The following ASNS variants were observed in gnomAD, a reference collection of about 807,000 sequenced individuals.
ASNS encodes asparagine synthetase [glutamine-hydrolyzing].
ASNS carries 37 observed loss-of-function variants against 62.6 expected under a neutral mutation model. That is an observed-to-expected ratio of 0.59 (90% CI 0.45 to 0.78). The LOEUF is 0.78. ASNS is among the 30% of genes least tolerant of loss of function. ASNS has a pLI of 0.00. For missense variants in ASNS, 520 were observed against 682.4 expected (o/e 0.76, Z 2.65); for synonymous variants, 207 against 237.9 (o/e 0.87, Z 1.19).
chr7:97,919,801 C>T, the ASNS span, among the ~76,000 whole-genome samples: 5 of 152,164 alleles, frequency 3.3e-5, no homozygotes, highest in African/African-American at 1.2e-4. Context: ...CACACAGAGC[C>T]CCTGTGTACC....
At chr7:97,910,602 G>A in the ASNS span, among the ~76,000 whole-genome samples, 13 of 86,592 alleles carry the variant, frequency 1.5e-4, no homozygotes, top group East Asian at 5.7e-3. Context: ...AGACCACAGT[G>A]AGAGACTTTT....
intron 1 of ASNS, chr7:97,870,231 C>A: frequency 4.4e-6 from 4 of 906,766 alleles, no homozygotes; most frequent in Non-Finnish European, 6.4e-6. Flanking sequence ...CTGAGTGCTA[C>A]GAAGATTGTA....
chr7:97,907,722 T>C, the ASNS span, among the ~76,000 whole-genome samples: 5 of 149,942 alleles, frequency 3.3e-5, no homozygotes, highest in South Asian at 1.1e-3. Context: ...TGAGCCGAGA[T>C]CGCACCACTG....
chr7:97,923,750 C>T, the ASNS span, among the ~76,000 whole-genome samples: 1 of 152,200 alleles, frequency 6.6e-6, no homozygotes, highest in Non-Finnish European at 1.5e-5. Context: ...CCTTGCCTGA[C>T]ACTGTCAGCC....
At chr7:97,892,469 T>C in the ASNS span, among the ~76,000 whole-genome samples, 1 of 152,140 alleles carries the variant, frequency 6.6e-6, no homozygotes, top group African/African-American at 2.4e-5. Flanking sequence ...GGATTTTCTT[T>C]TCTATTGCAT....
chr7:97,862,131 A>G (rs12704948), intron 4 of ASNS, among the ~76,000 whole-genome samples: 27,810 of 152,160 alleles, frequency 0.18, 4,953 homozygotes, highest in African/African-American at 0.47. Context: ...GAAATGGGTA[A>G]TTCAAGAATG....
intron 3 of ASNS, among the ~76,000 whole-genome samples, chr7:97,866,750 T>G (rs139893347): frequency 1.3e-5 from 2 of 152,358 alleles, no homozygotes; most frequent in African/African-American, 4.8e-5. Context: ...AATTTGTGAA[T>G]CTTTTGTCTA....
intron 4 of ASNS, among the ~76,000 whole-genome samples, chr7:97,859,993 C>T (rs1791637425): frequency 6.6e-6 from 1 of 152,220 alleles, no homozygotes; most frequent in Non-Finnish European, 1.5e-5. Context: ...CAGTACCCAA[C>T]CTCTCATCAC....
the ASNS span, among the ~76,000 whole-genome samples, chr7:97,926,687 A>C: frequency 2.0e-5 from 3 of 152,184 alleles, no homozygotes; most frequent in Non-Finnish European, 2.9e-5. Context: ...AGGCGCCGCG[A>C]AAAGAGCGTG....
At chr7:97,917,358 G>A in the ASNS span, among the ~76,000 whole-genome samples, 11 of 152,242 alleles carry the variant, frequency 7.2e-5, no homozygotes, top group African/African-American at 1.4e-4. Flanking sequence ...GCTCACACAC[G>A]TGCACAAGCC....
the ASNS span, among the ~76,000 whole-genome samples, chr7:97,882,577 C>T: frequency 0.032 from 3,941 of 123,970 alleles, 164 homozygotes; most frequent in South Asian, 0.056. Flanking sequence ...TAAATACCAC[C>T]GATATGAACA....
intron 7 of ASNS, among the ~76,000 whole-genome samples, chr7:97,857,934 A>G (rs1791534509): frequency 6.6e-6 from 1 of 152,114 alleles, no homozygotes; most frequent in Non-Finnish European, 1.5e-5. Flanking sequence ...GGCTGGTTTC[A>G]AACTCCTGAC....
At chr7:97,910,468 T>C in the ASNS span, among the ~76,000 whole-genome samples, 1 of 152,150 alleles carries the variant, frequency 6.6e-6, no homozygotes, top group Non-Finnish European at 1.5e-5. Flanking sequence ...TGGGCTTTAT[T>C]GGGATCAGAG....
At chr7:97,867,314 G>T (rs1298158710) in intron 3 of ASNS, among the ~76,000 whole-genome samples, 1 of 130,686 alleles carries the variant, frequency 7.7e-6, no homozygotes, top group African/African-American at 2.5e-5. Flanking sequence ...AGGTGTGGGG[G>T]GGATTTCTGA....
the ASNS span, among the ~76,000 whole-genome samples, chr7:97,897,789 G>A: frequency 1.2e-4 from 19 of 152,110 alleles, no homozygotes; most frequent in Non-Finnish European, 2.9e-5. Flanking sequence ...GTGTATCAAC[G>A]GGATATCTGT....
chr7:97,887,478 C>T, the ASNS span, among the ~76,000 whole-genome samples: 1 of 151,954 alleles, frequency 6.6e-6, no homozygotes, highest in Admixed American at 6.6e-5. Context: ...TTTCTCCAGT[C>T]CCTAATGTTG....
the ASNS span, among the ~76,000 whole-genome samples, chr7:97,884,057 A>G: frequency 2.0e-5 from 3 of 151,704 alleles, no homozygotes; most frequent in Non-Finnish European, 4.4e-5. Flanking sequence ...TTCCATCCCT[A>G]CATCAGCCCT....
At chr7:97,893,981 A>T in the ASNS span, among the ~76,000 whole-genome samples, 1,586 of 124,222 alleles carry the variant, frequency 0.013, no homozygotes, top group African/African-American at 0.017. Flanking sequence ...TAGGACACAG[A>T]ACAAGGCTCA....
At chr7:97,909,299 T>C in the ASNS span, among the ~76,000 whole-genome samples, 1 of 81,154 alleles carries the variant, frequency 1.2e-5, no homozygotes, top group South Asian at 4.8e-4. Flanking sequence ...ATACACTTTT[T>C]TTTTTTTTTT....
Sources: allele counts gnomAD v4.1 joint callset (sites outside exome capture counted in the v4.1 genomes callset), GRCh38; gene constraint gnomAD v4.1.1; transcripts MANE v1.5; gene names NCBI Gene and HGNC (gene_info 2026-07-23, HGNC 2026-07-21).